The following NLK variants were observed in gnomAD, a reference collection of about 807,000 sequenced individuals.
NLK encodes the protein nemo like kinase.
A neutral mutation model predicts 59.0 loss-of-function variants in NLK; 11 were observed. The observed-to-expected ratio is 0.19, with a 90% CI of 0.12 to 0.31. NLK has a LOEUF of 0.31. Ranked by LOEUF, NLK falls within the 10% of genes least tolerant of loss-of-function variation. The probability of loss-of-function intolerance (pLI) is 1.00; values close to 1 mark genes in which losing one functional copy is unlikely to be tolerated. For missense variants in NLK, 410 were observed against 661.1 expected (o/e 0.62, Z 4.16); for synonymous variants, 235 against 235.9 (o/e 1.00, Z 0.03).
chr17:28,120,952 T>G (rs982086951), intron 1 of NLK, among the ~76,000 whole-genome samples: 7 of 152,242 alleles, frequency 4.6e-5, no homozygotes, highest in Non-Finnish European at 7.3e-5. Context: ...ATACTCAAGG[T>G]TAATGATTGA....
chr17:28,204,910 T>C, the NLK span, among the ~76,000 whole-genome samples: 4 of 152,228 alleles, frequency 2.6e-5, no homozygotes, highest in Non-Finnish European at 5.9e-5. Context: ...TTCAGCCCTT[T>C]ATGAAGAATT....
rs1294160161 is a variant in NLK, at chr17:28,085,716, G to A, written c.459-36887G>A. Among the ~76,000 whole-genome samples, 3 of 152,164 alleles carry A rather than the reference G, an allele frequency of 2.0e-5. No individual in the cohort carries two copies. In the East Asian group the frequency reaches 5.8e-4, roughly 29 times the overall value. The stretch of plus-strand genomic sequence containing the variant: ...AGATGGTGCCACTGCACTCCAGCCT[G>A]GATGACAGAGCAAGACCCAGTCTCA... On this transcript the variant is annotated intron_variant, in intron 1 of 10. Transcript: ENST00000407008.
At position 28,108,408 on chromosome 17, in the gene NLK, A is replaced by T. The variant is rs1006392209; in HGVS notation, c.459-14195A>T. 3.7e-4 allele frequency among the ~76,000 whole-genome samples: 56 copies of T among 152,166 alleles called. 1 individual carries two copies. Among genetic ancestry groups the T allele is most frequent in the South Asian group, 1.0e-3 (5 of 4,814 alleles). On this transcript the variant is annotated intron_variant, in intron 1 of 10. Transcript: ENST00000407008. ...AAATGTTAGCTATTATATAAAAATTAAAAAAAACAAGGTACAGATATATGC... is the reference window on the plus strand; with the variant it reads ...AAATGTTAGCTATTATATAAAAATTTAAAAAAACAAGGTACAGATATATGC...
intron 1 of NLK, among the ~76,000 whole-genome samples, chr17:28,104,465 A>T (rs766298845): frequency 2.0e-5 from 3 of 152,118 alleles, no homozygotes; most frequent in Admixed American, 6.5e-5. Flanking sequence ...CATGTTGGTC[A>T]GGCTGGTCTC....
intron 1 of NLK, among the ~76,000 whole-genome samples, chr17:28,111,941 GTGTGTA>G (rs1463725722): frequency 4.1e-4 from 60 of 144,660 alleles, no homozygotes; most frequent in African/African-American, 1.5e-3. Flanking sequence ...GTGTGTGTGT[GTGTGTA>G]TGTGTAGGGA....
intron 8 of NLK, among the ~76,000 whole-genome samples, chr17:28,185,471 G>A (rs1018795646): frequency 9.9e-5 from 15 of 152,274 alleles, no homozygotes; most frequent in African/African-American, 3.6e-4. Flanking sequence ...GAGATAAGGA[G>A]CTGGATCTTA....
rs1836046541 is a variant in NLK, at chr17:28,121,907, T to G, written c.459-696T>G. On this transcript the variant is annotated intron_variant, in intron 1 of 10. Coordinates refer to ENST00000407008, the MANE Select transcript of NLK (RefSeq NM_016231.5). Reference sequence around the variant, plus strand: ...GGGAAATATAATACAGGAAATTGGTTATATAGGTGTTGGAAGGCAAAAAGA... The same window carrying G: ...GGGAAATATAATACAGGAAATTGGTGATATAGGTGTTGGAAGGCAAAAAGA... Among the ~76,000 whole-genome samples the G allele has an allele frequency of 2.0e-5, 3 of 151,970 alleles. No individual in the cohort carries two copies. The South Asian group carries it at 6.2e-4, about 32-fold the overall frequency.
At chr17:28,153,895 C>CA (rs1487595954) in intron 3 of NLK, among the ~76,000 whole-genome samples, 1 of 151,958 alleles carries the variant, frequency 6.6e-6, no homozygotes, top group Admixed American at 6.6e-5. Flanking sequence ...AACAGTATTA[C>CA]AAAAAAATTG....
At chr17:28,204,705 A>G in the NLK span, among the ~76,000 whole-genome samples, 1 of 152,232 alleles carries the variant, frequency 6.6e-6, no homozygotes, top group Non-Finnish European at 1.5e-5. Context: ...AAATAAATCA[A>G]TTACATAGAG....
intron 7 of NLK, among the ~76,000 whole-genome samples, chr17:28,184,510 G>A (rs1466313271): frequency 6.6e-6 from 1 of 152,096 alleles, no homozygotes. Flanking sequence ...GAAGCCTCCC[G>A]TGTACGCACG....
rs114503269 is a variant in NLK, at chr17:28,149,091, C to T, written c.645-12069C>T. Among the ~76,000 whole-genome samples, 352 of 152,266 alleles carry T rather than the reference C, an allele frequency of 2.3e-3. 5 individuals are homozygous for T. The highest frequency in any genetic ancestry group is 7.8e-3 in the African/African-American group (325 of 41,542). On this transcript the variant is annotated intron_variant, in intron 3 of 10. Transcript: ENST00000407008. ...AAAAAACGTTTTTTTGAGACAGGGT[C>T]TTGCTCTGTCGCCAACGCTGGAGTG... is the stretch of plus-strand genomic sequence containing the variant.
At position 28,191,066 on chromosome 17, in the gene NLK, G is replaced by A; in HGVS notation, c.1282G>A (p.Asp428Asn). Residue 428 changes from aspartate to asparagine, a missense_variant, in exon 9 of 11, where the codon GAT (aspartate) becomes AAT (asparagine). By Grantham distance (23) the Asp-to-Asn change is conservative. This residue lies in a region of NLK where 150 missense variants were observed against 244.3 expected (regional missense o/e 0.61). Transcript: ENST00000407008. ...GGATGCCTTAGCCCACCCCTACCTA[G>A]ATGAAGGGCGACTACGATATCACAC... ...AKDALAHPYL[D>N]EGRLRYHTCM... is the part of the protein sequence containing the mutation. 1 of 1,612,854 alleles carries A rather than the reference G, an allele frequency of 6.2e-7. No homozygotes were observed. The highest frequency in any genetic ancestry group is 8.5e-7 in the Non-Finnish European group (1 of 1,179,520).
intron 2 of NLK, 70 bp downstream of exon 2, chr17:28,122,802 G>A: frequency 1.3e-6 from 2 of 1,572,538 alleles, no homozygotes; most frequent in Non-Finnish European, 8.7e-7. Context: ...AAGAGCAGAT[G>A]AAAGTTTAAA....
intron 5 of NLK, among the ~76,000 whole-genome samples, chr17:28,165,735 C>T (rs533526504): frequency 7.2e-5 from 11 of 152,044 alleles, no homozygotes; most frequent in African/African-American, 2.2e-4. Context: ...CTAAAAATGA[C>T]GAAATCATAC....
At chr17:28,091,245 C>A (rs1904481255) in intron 1 of NLK, among the ~76,000 whole-genome samples, 1 of 152,004 alleles carries the variant, frequency 6.6e-6, no homozygotes, top group Admixed American at 6.6e-5. Flanking sequence ...TGGCTACAGT[C>A]ATATGTATCA....
chr17:28,111,890 GTGTGT>G (rs1905508418), intron 1 of NLK, among the ~76,000 whole-genome samples: 12 of 117,672 alleles, frequency 1.0e-4, no homozygotes, highest in African/African-American at 3.1e-4. Flanking sequence ...GTGTGTGTGT[GTGTGT>G]GGTGTGTGTG....
chr17:28,062,071 A>C (rs1204941582), intron 1 of NLK: 1 of 151,750 alleles, frequency 6.6e-6, no homozygotes, highest in Non-Finnish European at 1.5e-5. Context: ...ACACTTAAAA[A>C]AATGCCATGT....
chr17:28,056,721 C>T (rs1185374673), intron 1 of NLK, among the ~76,000 whole-genome samples: 1 of 152,238 alleles, frequency 6.6e-6, no homozygotes, highest in South Asian at 2.1e-4. Flanking sequence ...GCATATCATT[C>T]TTCCACCTAT....
intron 1 of NLK, among the ~76,000 whole-genome samples, chr17:28,055,862 A>C (rs954656460): frequency 2.0e-5 from 3 of 152,196 alleles, no homozygotes; most frequent in Non-Finnish European, 4.4e-5. Context: ...TTTTCTGATT[A>C]ACTCCAACTG....
Sources: gnomAD v4.1 joint callset for allele counts (sites outside exome capture counted in the v4.1 genomes callset) on GRCh38, gnomAD v4.1.1 for gene constraint, gnomAD v4.1.1 regional missense constraint, MANE v1.5 for transcripts, NCBI Gene and HGNC (gene_info 2026-07-23, HGNC 2026-07-21) for gene names.